The following LOC112694756 variants were observed in gnomAD, a reference collection of about 807,000 sequenced individuals.
chr16:30,069,899 G>GCCATTCT, the LOC112694756 span: 1 of 1,614,180 alleles, frequency 6.2e-7, no homozygotes, highest in South Asian at 1.1e-5. Context: ...ATTAACAAGT[G>GCCATTCT]CCCCCTGCTG....
At chr16:30,069,689 A>G in the LOC112694756 span, 1 of 1,613,128 alleles carries the variant, frequency 6.2e-7, no homozygotes, top group Non-Finnish European at 8.5e-7. Flanking sequence ...GCCCACACTC[A>G]TCTTGATCTC....
the LOC112694756 span, chr16:30,069,048 A>G: frequency 6.2e-7 from 1 of 1,603,668 alleles, no homozygotes; most frequent in Non-Finnish European, 8.5e-7. Flanking sequence ...TTTGCCTATT[A>G]CCTGCCATGA....
chr16:30,062,107 A>T, the LOC112694756 span, among the ~76,000 whole-genome samples: 1 of 150,756 alleles, frequency 6.6e-6, no homozygotes, highest in Non-Finnish European at 1.5e-5. Flanking sequence ...GGAGGCTGAG[A>T]CAGGAGAATC....
At chr16:30,059,126 A>C in the LOC112694756 span, 2 of 397,284 alleles carry the variant, frequency 5.0e-6, no homozygotes. Flanking sequence ...GAGTTTGTGA[A>C]TCTTTTACAA....
chr16:30,069,881 T>A, the LOC112694756 span: 1 of 1,613,956 alleles, frequency 6.2e-7, no homozygotes, highest in East Asian at 2.2e-5. Context: ...TCCATCAACC[T>A]CAATGCCATT....
the LOC112694756 span, chr16:30,064,665 T>A: frequency 5.1e-6 from 2 of 392,240 alleles, no homozygotes; most frequent in Admixed American, 8.9e-5. Context: ...AGGGCAGGGG[T>A]CATTAGAGAA....
the LOC112694756 span, among the ~76,000 whole-genome samples, chr16:30,060,711 G>A: frequency 6.6e-6 from 1 of 152,076 alleles, no homozygotes; most frequent in African/African-American, 2.4e-5. Context: ...TCCTTCAAAA[G>A]CCCGCAGAAG....
At chr16:30,059,373 C>T in the LOC112694756 span, among the ~76,000 whole-genome samples, 1 of 151,696 alleles carries the variant, frequency 6.6e-6, no homozygotes, top group Non-Finnish European at 1.5e-5. Context: ...TGGCGGGCGC[C>T]TGTAGTCCCA....
chr16:30,070,178 G>A, the LOC112694756 span: 2 of 1,614,130 alleles, frequency 1.2e-6, no homozygotes, highest in Non-Finnish European at 1.7e-6. Context: ...GCTGCTGCCA[G>A]CGAGTCCCTC....
the LOC112694756 span, chr16:30,068,483 C>T: frequency 3.7e-5 from 29 of 774,440 alleles, no homozygotes; most frequent in South Asian, 1.5e-4. Context: ...AAGAGGGGCA[C>T]GCCCAGCTAC....
At chr16:30,060,432 C>G in the LOC112694756 span, among the ~76,000 whole-genome samples, 8 of 152,008 alleles carry the variant, frequency 5.3e-5, no homozygotes, top group Admixed American at 5.2e-4. Flanking sequence ...AGGAAAAATT[C>G]AAGTGAAAAA....
chr16:30,067,217 C>A, the LOC112694756 span: 1 of 1,612,182 alleles, frequency 6.2e-7, no homozygotes, highest in Non-Finnish European at 8.5e-7. Context: ...TCCTTCCCCT[C>A]TGTTTCCTGT....
chr16:30,068,534 T>C, the LOC112694756 span: 1 of 1,231,868 alleles, frequency 8.1e-7, no homozygotes, highest in Admixed American at 1.8e-5. Context: ...GTCCAGGAAG[T>C]GGAGGCTTCA....
chr16:30,060,505 C>T, the LOC112694756 span, among the ~76,000 whole-genome samples: 789 of 152,204 alleles, frequency 5.2e-3, 4 homozygotes, highest in African/African-American at 0.018. Flanking sequence ...GTTTAATGTA[C>T]TTAAACAGCA....
the LOC112694756 span, chr16:30,068,228 A>G: frequency 6.3e-6 from 2 of 315,864 alleles, no homozygotes; most frequent in Non-Finnish European, 1.2e-5. Context: ...CCACCCGGCT[A>G]ATTTTTTTTG....
chr16:30,061,378 A>T, the LOC112694756 span, among the ~76,000 whole-genome samples: 1 of 152,142 alleles, frequency 6.6e-6, no homozygotes, highest in Non-Finnish European at 1.5e-5. Flanking sequence ...GCATGAGTCC[A>T]GTGCTAGCTC....
chr16:30,070,314 C>G, the LOC112694756 span: 15 of 1,099,424 alleles, frequency 1.4e-5, no homozygotes, highest in South Asian at 1.9e-4. Context: ...CTTGCCCGCG[C>G]TCTTTCTTCC....
chr16:30,067,151 C>T, the LOC112694756 span: 4 of 1,596,002 alleles, frequency 2.5e-6, no homozygotes, highest in South Asian at 1.1e-5. Context: ...ATTTCCCTGA[C>T]CTCCAGGAGA....
chr16:30,059,862 C>G, the LOC112694756 span, among the ~76,000 whole-genome samples: 1 of 152,072 alleles, frequency 6.6e-6, no homozygotes, highest in Non-Finnish European at 1.5e-5. Context: ...TCGCCATGCC[C>G]GGCCAAGAAC....
Sources: allele counts gnomAD v4.1 joint callset (sites outside exome capture counted in the v4.1 genomes callset), GRCh38; gene constraint gnomAD v4.1.1; transcripts MANE v1.5.